The following GUCY1B1 variants were observed in gnomAD, a reference collection of about 807,000 sequenced individuals.
GUCY1B1 encodes the protein guanylate cyclase soluble subunit beta-1.
A neutral mutation model predicts 71.0 loss-of-function variants in GUCY1B1; 43 were observed. That is an observed-to-expected ratio of 0.61 (90% CI 0.47 to 0.78). The LOEUF (loss-of-function observed/expected upper bound fraction) is 0.78. Among genes scored for constraint, GUCY1B1 ranks in the 30% least tolerant of loss-of-function variants. The pLI is 0.00. For missense variants in GUCY1B1, 535 were observed against 754.1 expected (o/e 0.71, Z 3.40); for synonymous variants, 266 against 259.7 (o/e 1.02, Z -0.23).
chr4:155,798,968 G>C (rs187726267), intron 8 of GUCY1B1, among the ~76,000 whole-genome samples: 12 of 152,220 alleles, frequency 7.9e-5, no homozygotes, highest in African/African-American at 2.9e-4. Flanking sequence ...CTCCCGAGTA[G>C]CTGGGACTAC....
rs187667223 is a variant in GUCY1B1, at chr4:155,792,697, A to C, written c.496-1159A>C. 4.6e-5 allele frequency among the ~76,000 whole-genome samples: 7 copies of C among 151,640 alleles called. No individual in the cohort carries two copies. The East Asian group carries it at 1.4e-3, about 29-fold the overall frequency. On this transcript the variant is annotated intron_variant, in intron 5 of 13. Coordinates refer to ENST00000264424, the MANE Select transcript of GUCY1B1 (RefSeq NM_000857.5). ...TTTTGTTTTTATTTAGCTGTAACTG[A>C]AGAAATGTTGTCCCAAACTTTTTCT...
intron 4 of GUCY1B1, among the ~76,000 whole-genome samples, chr4:155,788,471 G>T (rs1429908953): frequency 6.6e-6 from 1 of 152,206 alleles, no homozygotes; most frequent in African/African-American, 2.4e-5. Context: ...TGACTTTTAA[G>T]TGCACAGTCA....
intron 6 of GUCY1B1, among the ~76,000 whole-genome samples, chr4:155,794,671 C>T (rs771168921): frequency 2.3e-4 from 35 of 152,046 alleles, no homozygotes; most frequent in Non-Finnish European, 4.1e-4. Context: ...ATATGGCATA[C>T]GTTTAGAGAT....
In GUCY1B1 at chr4:155,770,603, C is replaced by T. The variant is rs530261723; in HGVS notation, c.78-4365C>T. On this transcript the variant is annotated intron_variant, in intron 2 of 13. Coordinates refer to ENST00000264424, the MANE Select transcript of GUCY1B1 (RefSeq NM_000857.5). ...GTTTAGTGTATTAAACTGCTTCATA[C>T]TAAAGAGTTTGCGATACCTCCAATT... Among the ~76,000 whole-genome samples, 4 of 152,270 alleles carry T rather than the reference C, an allele frequency of 2.6e-5. No individual in the cohort carries two copies. In the East Asian group the frequency reaches 7.7e-4, roughly 29 times the overall value.
intron 11 of GUCY1B1, 34 bp from the exon 12 acceptor site, chr4:155,804,559 C>A: frequency 1.3e-6 from 2 of 1,560,606 alleles, no homozygotes; most frequent in South Asian, 2.4e-5. Context: ...TGTTAGTGAT[C>A]AAAATGATTG....
chr4:155,777,551 T>A lies in GUCY1B1; in HGVS notation c.206T>A (p.Met69Lys), dbSNP rs766315416. The A allele has an allele frequency of 1.2e-6, 2 of 1,603,574 alleles. No individual in the cohort carries two copies. Among genetic ancestry groups the A allele is most frequent in the Non-Finnish European group, 1.7e-6 (2 of 1,170,490 alleles). Reference sequence around the variant, plus strand: ...CTCAATGCTGGAGAAATCCTCCAAATGTTTGGGAAGATGTTTTTCGTCTTT... The same window carrying A: ...CTCAATGCTGGAGAAATCCTCCAAAAGTTTGGGAAGATGTTTTTCGTCTTT... ...LNLNAGEILQ[M>K]FGKMFFVFCQ... Residue 69 changes from methionine to lysine, a missense_variant, in exon 4 of 14, where the codon ATG (methionine) becomes AAG (lysine). Transcript: ENST00000264424.
chr4:155,760,431 C>A (rs115413397), intron 2 of GUCY1B1, among the ~76,000 whole-genome samples: 1 of 142,078 alleles, frequency 7.0e-6, no homozygotes, highest in Non-Finnish European at 1.5e-5. Context: ...CCCACCCCCC[C>A]CGCCCCAACC....
In GUCY1B1 at chr4:155,802,558, G is replaced by GA. The variant is rs868232634; in HGVS notation, c.1397dup (p.Asn466LysfsTer6). On this transcript the variant is annotated frameshift_variant, in exon 10 of 14. Coordinates refer to ENST00000264424, the MANE Select transcript of GUCY1B1 (RefSeq NM_000857.5). LOFTEE classifies it high-confidence loss of function. The surrounding 1 kb of genome is among the most constrained non-coding windows in gnomAD (Gnocchi z 4.3). ...GATTTGACACACTGACTGATTCCCG[G>GA]AAAAACCCATTTGTTTATAAGGCAA... 6.2e-7 allele frequency: 1 copy of GA among 1,604,708 alleles called. No homozygotes were observed. Among genetic ancestry groups the GA allele is most frequent in the Non-Finnish European group, 8.5e-7 (1 of 1,175,656 alleles).
At chr4:155,788,397 TCC>T (rs1373420625) in intron 4 of GUCY1B1, among the ~76,000 whole-genome samples, 1 of 152,208 alleles carries the variant, frequency 6.6e-6, no homozygotes, top group Non-Finnish European at 1.5e-5. Flanking sequence ...CTTCTCATAC[TCC>T]CATCTCTTTG....
intron 8 of GUCY1B1, among the ~76,000 whole-genome samples, chr4:155,799,533 T>G (rs1384042457): frequency 6.6e-6 from 1 of 152,212 alleles, no homozygotes; most frequent in Non-Finnish European, 1.5e-5. Context: ...TTTCCTCTCC[T>G]TATGATGAGA....
chr4:155,805,736 A>T (rs535306837), intron 13 of GUCY1B1, among the ~76,000 whole-genome samples: 1 of 152,280 alleles, frequency 6.6e-6, no homozygotes, highest in South Asian at 2.1e-4. Context: ...TCCTAGATAG[A>T]TGAGTGATTT....
At chr4:155,761,104 G>T (rs1736970930) in intron 2 of GUCY1B1, among the ~76,000 whole-genome samples, 1 of 152,068 alleles carries the variant, frequency 6.6e-6, no homozygotes, top group South Asian at 2.1e-4. Flanking sequence ...TATCCACAGG[G>T]CATATTACCT....
At chr4:155,796,760 G>A (rs1198311536) in intron 8 of GUCY1B1, among the ~76,000 whole-genome samples, 3 of 151,982 alleles carry the variant, frequency 2.0e-5, no homozygotes, top group South Asian at 2.1e-4. Context: ...ATGCCATTAC[G>A]CCATGGGACA....
At position 155,780,720 on chromosome 4, in the gene GUCY1B1, C is replaced by G. The variant is rs562371624; in HGVS notation, c.297+3078C>G. On this transcript the variant is annotated intron_variant, in intron 4 of 13. Coordinates refer to ENST00000264424, the MANE Select transcript of GUCY1B1 (RefSeq NM_000857.5). ...GCTGAATTATTTGCCTCAGGATAAC[C>G]CATTTCGAGTGAGATCCTGTAATTT... 2.0e-5 allele frequency among the ~76,000 whole-genome samples: 3 copies of G among 146,950 alleles called. No individual in the cohort carries two copies. The East Asian group carries it at 5.9e-4, about 29-fold the overall frequency.
chr4:155,772,522 T>G (rs2111013699), intron 2 of GUCY1B1: 1 of 517,830 alleles, frequency 1.9e-6, no homozygotes, highest in South Asian at 2.5e-5. Context: ...TCAAGCAATA[T>G]TCTCCCACCT....
At chr4:155,791,459 A>G (rs1341886756) in intron 5 of GUCY1B1, among the ~76,000 whole-genome samples, 9 of 142,996 alleles carry the variant, frequency 6.3e-5, no homozygotes, top group South Asian at 2.5e-4. Context: ...GCCTGGGCGC[A>G]GTGGCTCACG....
chr4:155,799,038 T>C (rs1412869248), intron 8 of GUCY1B1, among the ~76,000 whole-genome samples: 2 of 152,142 alleles, frequency 1.3e-5, no homozygotes, highest in South Asian at 2.1e-4. Flanking sequence ...CGTTTCACCA[T>C]GTTAGCCAGG....
chr4:155,785,817 T>C (rs1464889451), intron 4 of GUCY1B1, among the ~76,000 whole-genome samples: 1 of 152,178 alleles, frequency 6.6e-6, no homozygotes, highest in African/African-American at 2.4e-5. Context: ...AGAAAATCAA[T>C]ATTACATTAA....
At chr4:155,797,125 A>G (rs1739610023) in intron 8 of GUCY1B1, among the ~76,000 whole-genome samples, 1 of 152,210 alleles carries the variant, frequency 6.6e-6, no homozygotes, top group Admixed American at 6.5e-5. Flanking sequence ...ATACATGGGA[A>G]TTCAGAAATA....
Sources: allele counts gnomAD v4.1 joint callset (sites outside exome capture counted in the v4.1 genomes callset), GRCh38; gene constraint gnomAD v4.1.1; non-coding constraint Gnocchi (gnomAD v3.1); transcripts MANE v1.5; gene names NCBI Gene and HGNC (gene_info 2026-07-23, HGNC 2026-07-21).